DGKH: variants seen among roughly 807,000 people sequenced by gnomAD.
DGKH encodes the protein DAG kinase eta.
DGKH carries 90 observed loss-of-function variants against 159.3 expected under a neutral mutation model. That is an observed-to-expected ratio of 0.57 (90% confidence interval 0.48 to 0.67). The LOEUF (loss-of-function observed/expected upper bound fraction) is 0.67. Ranked by LOEUF, DGKH falls within the 30% of genes least tolerant of loss-of-function variation. DGKH has a pLI of 0.00. For missense variants in DGKH, 1,181 were observed against 1,506.1 expected, an observed-to-expected ratio of 0.78 and a Z score of 3.57; for synonymous variants, 536 against 553.8, an observed-to-expected ratio of 0.97 and a Z score of 0.45.
Position 42,148,933 on chromosome 13 carries a change from G to A in DGKH, c.385-6358G>A, listed in dbSNP as rs896466049. ...ACTTGGCCTTCCCACCCACAACCCC[G>A]CCCGCCCCTTCTTTTTTTTTTTTTT... On this transcript the variant is annotated intron_variant, in intron 3 of 29. Coordinates refer to ENST00000337343, the MANE Select transcript of DGKH (RefSeq NM_178009.5). Among the ~76,000 whole-genome samples the A allele has an allele frequency of 7.9e-5, 6 of 75,766 alleles. No homozygotes were observed. The East Asian group carries it at 2.3e-3, about 30-fold the overall frequency. 49.7% of individuals were successfully genotyped at this position (75,766 alleles called of 152,430 possible).
downstream of DGKH, among the ~76,000 whole-genome samples, chr13:42,244,308 C>T (rs1243079641): frequency 6.6e-6 from 1 of 152,146 alleles, no homozygotes; most frequent in Non-Finnish European, 1.5e-5. Flanking sequence ...GGATTCAGAC[C>T]TCTGAGAAGG....
chr13:42,134,178 G>A (rs1324390454), intron 3 of DGKH, among the ~76,000 whole-genome samples: 1 of 152,200 alleles, frequency 6.6e-6, no homozygotes, highest in African/African-American at 2.4e-5. Context: ...CTAGAGATCA[G>A]GGCAGTGATT....
At position 42,168,547 on chromosome 13, in the gene DGKH, AG is replaced by A; in HGVS notation, c.1227+1del. The stretch of plus-strand genomic sequence containing the variant: ...ATCGATAAGCTCAACTTGAATAAAC[AG>A]GCAAGTGCTAATTCTTTTACTTGCT... ...SEIDKLNLNK[Q>X]CQLGVLPLGT... On this transcript the variant is annotated frameshift_variant and splice_region_variant, in exon 10 of 30. Coordinates refer to ENST00000337343, the MANE Select transcript of DGKH (RefSeq NM_178009.5). LOFTEE classifies it high-confidence loss of function. 1 of 1,614,132 alleles carries A rather than the reference AG, an allele frequency of 6.2e-7. No individual in the cohort carries two copies. Among genetic ancestry groups the A allele is most frequent in the Non-Finnish European group, 8.5e-7 (1 of 1,179,950 alleles).
intron 20 of DGKH, among the ~76,000 whole-genome samples, chr13:42,205,509 C>G (rs1957443080): frequency 6.6e-6 from 1 of 152,146 alleles, no homozygotes; most frequent in Non-Finnish European, 1.5e-5. Context: ...AAAGTAAGGA[C>G]TGCAAGGAGC....
intron 1 of DGKH, among the ~76,000 whole-genome samples, chr13:42,071,287 C>G (rs1198757633): frequency 6.6e-6 from 1 of 152,142 alleles, no homozygotes; most frequent in Non-Finnish European, 1.5e-5. Context: ...GTTTAAAGCT[C>G]AAAAAGCTCT....
intron 13 of DGKH, among the ~76,000 whole-genome samples, chr13:42,185,848 G>A (rs1956906462): frequency 6.6e-6 from 1 of 152,064 alleles, no homozygotes; most frequent in South Asian, 2.1e-4. Flanking sequence ...CAACAAAGAA[G>A]GTTCAGGATT....
rs1958437738 is a variant in DGKH at position 42,237,394 on chromosome 13, G to A, written c.*8206G>A. 8.3e-6 allele frequency: 1 copy of A among 120,046 alleles called. No individual in the cohort carries two copies. Among genetic ancestry groups the A allele is most frequent in the Non-Finnish European group, 1.8e-5 (1 of 55,114 alleles). The allele number at this position is 120,046 out of a possible 1,614,324, so 7.4% of individuals were successfully genotyped here. A position where few individuals can be genotyped will look rare whatever the true frequency, so the allele number is the denominator to read the frequency against. On this transcript the variant is annotated 3_prime_UTR_variant, in exon 30 of 30. Transcript: ENST00000337343. ...ACTGTTGCACAAGCAGTTATTGGAA[G>A]TGGGGGAAAAAAAGAAAACTGGTGA...
upstream of DGKH, among the ~76,000 whole-genome samples, chr13:42,048,360 G>C (rs1880947489): frequency 1.3e-5 from 2 of 152,002 alleles, no homozygotes; most frequent in African/African-American, 2.4e-5. The surrounding 1 kb of genome is among the most constrained non-coding windows in gnomAD (Gnocchi z 6.7). Context: ...TCGCCACTAC[G>C]GGGTGGGCTG....
At chr13:42,225,772 CAAA>C (rs66933711) in intron 29 of DGKH, among the ~76,000 whole-genome samples, 5,316 of 120,388 alleles carry the variant, frequency 0.044, 280 homozygotes, top group African/African-American at 0.15. Flanking sequence ...GACTCTGTCT[CAAA>C]AAAAAAAAAA....
chr13:42,174,979 G>A (rs1956564224), intron 12 of DGKH, among the ~76,000 whole-genome samples: 3 of 152,154 alleles, frequency 2.0e-5, no homozygotes, highest in South Asian at 2.1e-4. Flanking sequence ...AATGACTAAC[G>A]TTTTTAAAGA....
chr13:42,148,327 A>C (rs761566304), intron 3 of DGKH, among the ~76,000 whole-genome samples: 2 of 152,090 alleles, frequency 1.3e-5, no homozygotes, highest in Non-Finnish European at 2.9e-5. Flanking sequence ...AATGATTTCA[A>C]CTCCAAACAT....
At chr13:42,071,650 G>A (rs916094069) in intron 1 of DGKH, among the ~76,000 whole-genome samples, 2 of 152,182 alleles carry the variant, frequency 1.3e-5, no homozygotes, top group African/African-American at 2.4e-5. Flanking sequence ...AACAGAAGAT[G>A]TCCTTTGTTA....
intron 1 of DGKH, among the ~76,000 whole-genome samples, chr13:42,111,519 G>T (rs907718556): frequency 1.3e-5 from 2 of 152,216 alleles, no homozygotes; most frequent in African/African-American, 2.4e-5. Context: ...GGCGGAGGTT[G>T]CAGTGAGCTG....
At chr13:42,193,162 T>C (rs1957124979) in intron 16 of DGKH, among the ~76,000 whole-genome samples, 1 of 152,204 alleles carries the variant, frequency 6.6e-6, no homozygotes, top group South Asian at 2.1e-4. Flanking sequence ...ACAGCAGAGA[T>C]GACAATGGCA....
At chr13:42,199,084 A>C (rs1957281925) in intron 18 of DGKH, among the ~76,000 whole-genome samples, 1 of 152,188 alleles carries the variant, frequency 6.6e-6, no homozygotes, top group Admixed American at 6.5e-5. Flanking sequence ...GACATTCCTC[A>C]AGGAGAGTAC....
intron 8 of DGKH, 114 bp from the exon 9 acceptor site, chr13:42,166,401 A>G: frequency 1.0e-6 from 1 of 967,178 alleles, no homozygotes; most frequent in Non-Finnish European, 1.4e-6. Context: ...GGAGAGCTAA[A>G]TTATAACTTA....
In DGKH at chr13:42,189,174, G is replaced by C. The variant is rs1288845062; in HGVS notation, c.1777G>C (p.Gly593Arg). The part of the protein sequence containing the change: ...AVESSSEESL[G>R]ESKEQLGDDV... The stretch of plus-strand genomic sequence containing the variant: ...GGAATCGTCCAGTGAAGAGTCCCTG[G>C]GTGAAAGCAAAGAGCAGCTTGGGGA... Residue 593 changes from glycine to arginine, a missense_variant, in exon 15 of 30, where the codon GGT becomes CGT. Physicochemically the swap from Gly to Arg is moderately radical, Grantham distance 125. This residue lies in a region of DGKH where 257 missense variants were observed against 281.5 expected (regional missense o/e 0.91). Transcript: ENST00000337343. 1 of 1,614,092 alleles carries C rather than the reference G, an allele frequency of 6.2e-7. No individual in the cohort carries two copies. The highest frequency in any genetic ancestry group is 8.5e-7 in the Non-Finnish European group (1 of 1,180,040).
chr13:42,168,051 A>G (rs1198035901), intron 9 of DGKH, among the ~76,000 whole-genome samples: 1 of 152,176 alleles, frequency 6.6e-6, no homozygotes, highest in African/African-American at 2.4e-5. Context: ...AGCGTCACTC[A>G]TTAGCATCAG....
chr13:42,214,668 T>G, intron 25 of DGKH, 56 bp downstream of exon 25: 1 of 1,562,606 alleles, frequency 6.4e-7, no homozygotes, highest in Non-Finnish European at 8.8e-7. Flanking sequence ...GTTACACATG[T>G]ATTTTAATAC....
Sources: gnomAD v4.1 joint callset for allele counts (sites outside exome capture counted in the v4.1 genomes callset) on GRCh38, gnomAD v4.1.1 for gene constraint, gnomAD v4.1.1 regional missense constraint, Gnocchi (gnomAD v3.1) non-coding constraint, MANE v1.5 for transcripts, NCBI Gene and HGNC (gene_info 2026-07-23, HGNC 2026-07-21) for gene names.